The following IPO5 variants were observed in gnomAD, a reference collection of about 807,000 sequenced individuals.
IPO5 encodes importin-5.
In IPO5, 18 loss-of-function variants were observed where a neutral mutation model predicts 143.3. The observed-to-expected ratio is 0.13, with a 90% confidence interval of 0.09 to 0.19. The LOEUF (loss-of-function observed/expected upper bound fraction) is 0.19. IPO5 is among the 10% of genes least tolerant of loss of function. The probability of loss-of-function intolerance (pLI) is 1.00; values close to 1 mark genes in which losing one functional copy is unlikely to be tolerated. For synonymous variants in IPO5, 477 were observed against 465.7 expected, an observed-to-expected ratio of 1.02 and a Z score of -0.31; for missense variants, 1,013 against 1,336.9, an observed-to-expected ratio of 0.76 and a Z score of 3.78.
chr13:97,972,317 C>A (rs1885890048), intron 3 of IPO5, among the ~76,000 whole-genome samples: 1 of 152,202 alleles, frequency 6.6e-6, no homozygotes, highest in Non-Finnish European at 1.5e-5. Context: ...ACTTCTCCAA[C>A]CTTCTCCCAC....
intron 13 of IPO5, 174 bp downstream of exon 13, chr13:98,000,819 T>C: frequency 3.5e-6 from 2 of 577,656 alleles, no homozygotes; most frequent in South Asian, 4.5e-5. Context: ...ATGTACAGAT[T>C]TACTTCCTAG....
At chr13:98,006,036 A>G (rs1410789626) in intron 16 of IPO5, 94 bp from the exon 17 acceptor site, 1 of 816,390 alleles carries the variant, frequency 1.2e-6, no homozygotes, top group Non-Finnish European at 2.0e-6. Context: ...GCTGTTTCAG[A>G]AAAGCATTCA....
intron 1 of IPO5, 50 bp downstream of exon 1, chr13:97,953,766 A>G: frequency 2.8e-6 from 1 of 352,452 alleles, no homozygotes; most frequent in Non-Finnish European, 5.6e-6. Context: ...TAAGAATTTC[A>G]TCTGCACTGA....
intron 11 of IPO5, among the ~76,000 whole-genome samples, chr13:97,996,601 ATTTTCTTT>A (rs1208245199): frequency 5.3e-5 from 8 of 151,882 alleles, no homozygotes; most frequent in African/African-American, 1.4e-4. Flanking sequence ...TTGTTTGGTA[ATTTTCTTT>A]TTTTCTTTTT....
chr13:97,980,385 T>C (rs2139628270), intron 4 of IPO5, among the ~76,000 whole-genome samples: 1 of 152,284 alleles, frequency 6.6e-6, no homozygotes, highest in Non-Finnish European at 1.5e-5. Context: ...TTCTAATTCA[T>C]TATGGAGTAG....
rs1182883476 is a variant in IPO5, at chr13:98,023,629, A to AC, written c.*1809dup. 6.6e-6 allele frequency: 1 copy of AC among 152,126 alleles called. No homozygotes were observed. The highest frequency in any genetic ancestry group is 1.5e-5 in the Non-Finnish European group (1 of 68,022). 9.4% of individuals were successfully genotyped at this position (152,126 alleles called of 1,614,324 possible). A position where few individuals can be genotyped will look rare whatever the true frequency, so the allele number is the denominator to read the frequency against. ...TATGCTAAGCACTTTGGGAGCAAGA[A>AC]CCTCCTACCTTCCAGTTTAAACACT... On this transcript the variant is annotated 3_prime_UTR_variant, in exon 29 of 29. Transcript: ENST00000651721.
At chr13:97,964,261 C>G (rs1298406948) in intron 2 of IPO5, among the ~76,000 whole-genome samples, 1 of 152,030 alleles carries the variant, frequency 6.6e-6, no homozygotes, top group Non-Finnish European at 1.5e-5. Context: ...GTCATGAAGT[C>G]ATTGCCCATG....
In IPO5 at chr13:97,989,138, G is replaced by A; in HGVS notation, c.441G>A (p.Leu147=). The A allele has an allele frequency of 1.2e-6, 2 of 1,611,366 alleles. No individual in the cohort carries two copies. Among genetic ancestry groups the A allele is most frequent in the South Asian group, 1.1e-5 (1 of 90,978 alleles). The change falls in exon 7 of 29, where the codon CTG becomes CTA. Residue 147 remains leucine (L), a synonymous_variant. Transcript: ENST00000651721. ...CAGTCAGCTCTCAAAATGTGGGACTGCGGGAAGCTGCCCTTCACATTTTCT... is the reference window on the plus strand; with the variant it reads ...CAGTCAGCTCTCAAAATGTGGGACTACGGGAAGCTGCCCTTCACATTTTCT... The part of the protein sequence containing the change: ...FDSVSSQNVG[L]REAALHIFWN...
rs142068206 is a variant in IPO5, at chr13:97,981,101, A to G, written c.91-1402A>G. On this transcript the variant is annotated intron_variant, in intron 4 of 28. Coordinates refer to ENST00000651721, the MANE Select transcript of IPO5 (RefSeq NM_002271.6). Reference sequence around the variant, plus strand: ...TCTTCTGGATAAATAAATTCAAACCATCTTCTCTCCTCGGCTGTGAATACT... The same window carrying G: ...TCTTCTGGATAAATAAATTCAAACCGTCTTCTCTCCTCGGCTGTGAATACT... 8 of 332,366 alleles carry G rather than the reference A, an allele frequency of 2.4e-5. No individual in the cohort carries two copies. In the East Asian group the frequency reaches 3.6e-4, roughly 15 times the overall value. The allele number at this position is 332,366 out of a possible 1,614,324, so 20.6% of individuals were successfully genotyped here.
At chr13:98,021,263 C>G in intron 28 of IPO5, 130 bp downstream of exon 28, 1 of 761,206 alleles carries the variant, frequency 1.3e-6, no homozygotes, top group East Asian at 2.9e-5. Flanking sequence ...TCTCTTGTCT[C>G]CAAGCCTCAA....
intron 2 of IPO5, among the ~76,000 whole-genome samples, chr13:97,963,450 A>G (rs1052629017): frequency 6.6e-6 from 1 of 151,012 alleles, no homozygotes; most frequent in African/African-American, 2.4e-5. Context: ...GCTCACTGCA[A>G]TCTCCGCCTC....
chr13:97,983,415 C>T (rs964241900), intron 5 of IPO5, among the ~76,000 whole-genome samples: 8 of 152,044 alleles, frequency 5.3e-5, no homozygotes, highest in African/African-American at 1.7e-4. Context: ...TTACCTAGTT[C>T]CTATACCAAA....
intron 3 of IPO5, among the ~76,000 whole-genome samples, chr13:97,972,147 A>G (rs1372402639): frequency 6.6e-6 from 1 of 152,232 alleles, no homozygotes; most frequent in Non-Finnish European, 1.5e-5. Context: ...TACCAAGATA[A>G]GGAGTCATAG....
rs75931953 is a variant in IPO5 at position 98,003,462 on chromosome 13, G to A, written c.1497+425G>A. 7.4e-3 allele frequency among the ~76,000 whole-genome samples: 1,130 copies of A among 152,274 alleles called. 6 individuals are homozygous for A. The highest frequency in any genetic ancestry group is 0.027 in the Middle Eastern group (8 of 294). On this transcript the variant is annotated intron_variant, in intron 16 of 28. Transcript: ENST00000651721. ...AAGGCAAGACCATCATACTGTCATC[G>A]TCCAGGGAGCTTAGATAGTAATAGT...
At chr13:97,969,905 C>T in intron 3 of IPO5, 75 bp downstream of exon 3, 1 of 1,167,990 alleles carries the variant, frequency 8.6e-7, no homozygotes, top group Non-Finnish European at 1.3e-6. Context: ...CGCCATGTTG[C>T]CCAGGCTGGT....
rs1038513501 is a variant in IPO5 at position 97,984,735 on chromosome 13, C to G, written c.172-686C>G. Among the ~76,000 whole-genome samples, 3 of 151,898 alleles carry G rather than the reference C, an allele frequency of 2.0e-5. No homozygotes were observed. The South Asian group carries it at 6.3e-4, about 32-fold the overall frequency. ...ATGAGTAACATCAGCTTGGGGAAAT[C>G]GAGAGCAGGAAAGATTAGGTTCAAT... On this transcript the variant is annotated intron_variant, in intron 5 of 28. Transcript: ENST00000651721.
chr13:98,003,954 T>A (rs1435251944), intron 16 of IPO5, among the ~76,000 whole-genome samples: 2 of 152,066 alleles, frequency 1.3e-5, no homozygotes, highest in African/African-American at 4.8e-5. Flanking sequence ...AGTATCCAAG[T>A]AAAAATGATT....
rs143265229 is a variant in IPO5 at position 97,958,423 on chromosome 13, C to T, written c.-113+4225C>T. Among the ~76,000 whole-genome samples the T allele has an allele frequency of 2.8e-4, 43 of 152,246 alleles. 1 individual carries two copies. In the East Asian group the frequency reaches 7.9e-3, roughly 28 times the overall value. ...AAACCTGGGCATTCTTGATCTCTCC[C>T]GACCTCACCCCCACCATCGGGAGAG... On this transcript the variant is annotated intron_variant, in intron 2 of 28. Transcript: ENST00000651721.
intron 12 of IPO5, among the ~76,000 whole-genome samples, chr13:97,998,529 A>G (rs1873125817): frequency 6.6e-6 from 1 of 152,214 alleles, no homozygotes; most frequent in Non-Finnish European, 1.5e-5. Flanking sequence ...ATGAGAGTCA[A>G]CTGGGTAGAG....
Sources: allele counts gnomAD v4.1 joint callset (sites outside exome capture counted in the v4.1 genomes callset), GRCh38; gene constraint gnomAD v4.1.1; transcripts MANE v1.5; gene names NCBI Gene and HGNC (gene_info 2026-07-23, HGNC 2026-07-21).